OBI1: variants seen among roughly 807,000 people sequenced by gnomAD.
The protein encoded by OBI1 is ORC ubiquitin ligase 1.
Under a neutral mutation model 62.4 loss-of-function variants are expected in OBI1, and 59 were observed. The observed-to-expected ratio is 0.95, with a 90% CI of 0.77 to 1.17. The LOEUF (loss-of-function observed/expected upper bound fraction) is 1.17. Ranked by LOEUF, OBI1 falls within the 50% of genes most tolerant of loss-of-function variation. The pLI is 0.00. For synonymous variants in OBI1, 302 were observed against 292.8 expected, an observed-to-expected ratio of 1.03 and a Z score of -0.32; for missense variants, 875 against 830.9, an observed-to-expected ratio of 1.05 and a Z score of -0.65.
rs369495978 is a variant in OBI1 at position 78,616,019 on chromosome 13, T to C, written c.1742A>G (p.Asp581Gly). The change falls in exon 6 of 6, where the codon GAT becomes GGT. Residue 581 changes from aspartate (D) to glycine (G), a missense_variant. Physicochemically the swap from Asp to Gly is moderately conservative, Grantham distance 94. Transcript: ENST00000282003. ...SQGSEFLEEPDKLEEKTELNL... is the reference protein window; with the variant it reads ...SQGSEFLEEPGKLEEKTELNL... ...TAGCTCAGTTTTTTCTTCCAACTTA[T>C]CAGGTTCCTCAAGAAATTCACTGCC... The C allele has an allele frequency of 9.9e-6, 16 of 1,614,052 alleles. No individual in the cohort carries two copies. Among genetic ancestry groups the C allele is most frequent in the South Asian group, 2.2e-5 (2 of 91,084 alleles).
chr13:78,633,076 T>C (rs207474066), intron 5 of OBI1, among the ~76,000 whole-genome samples: 3 of 152,122 alleles, frequency 2.0e-5, no homozygotes, highest in Non-Finnish European at 4.4e-5. Context: ...TTTCAAGAAA[T>C]AAGAGCTACA....
At position 78,615,438 on chromosome 13, in the gene OBI1, G is replaced by A. The variant is rs1324643465; in HGVS notation, c.*142C>T. 1.7e-6 allele frequency: 1 copy of A among 594,700 alleles called. No homozygotes were observed. The highest frequency in any genetic ancestry group is 2.9e-6 in the Non-Finnish European group (1 of 343,596). 36.8% of individuals were successfully genotyped at this position (594,700 alleles called of 1,614,324 possible). A position where few individuals can be genotyped will look rare whatever the true frequency, so the allele number is the denominator to read the frequency against. ...TGAACAATAAGTATTCTGGGTACAG[G>A]TTAATCCACCATCCTGACTTGATAC... On this transcript the variant is annotated 3_prime_UTR_variant, in exon 6 of 6. Coordinates refer to ENST00000282003, the MANE Select transcript of OBI1 (RefSeq NM_024546.4).
chr13:78,619,951 T>G (rs978840525), intron 5 of OBI1, among the ~76,000 whole-genome samples: 1 of 152,196 alleles, frequency 6.6e-6, no homozygotes, highest in Non-Finnish European at 1.5e-5. Flanking sequence ...AAAGTAAACA[T>G]GTTTTGTTTA....
rs1379099330 is a variant in OBI1, at chr13:78,615,309, C to T, written c.*271G>A. 3.5e-6 allele frequency: 1 copy of T among 285,000 alleles called. No homozygotes were observed. The highest frequency in any genetic ancestry group is 6.5e-6 in the Non-Finnish European group (1 of 154,996). 17.7% of individuals were successfully genotyped at this position (285,000 alleles called of 1,614,324 possible). On this transcript the variant is annotated 3_prime_UTR_variant, in exon 6 of 6. Coordinates refer to ENST00000282003, the MANE Select transcript of OBI1 (RefSeq NM_024546.4). The stretch of plus-strand genomic sequence containing the variant: ...TAAAAAAACAAAACCAAAAACAAAA[C>T]CAACCAACCAACCAACCCCAAAACA...
At chr13:78,623,316 G>A (rs1280302043) in intron 5 of OBI1, among the ~76,000 whole-genome samples, 2 of 146,490 alleles carry the variant, frequency 1.4e-5, no homozygotes, top group Non-Finnish European at 3.0e-5. Context: ...GGAATTTACC[G>A]AAAGTAAGTG....
In OBI1 at chr13:78,616,654, C is replaced by T. The variant is rs1395767124; in HGVS notation, c.1107G>A (p.Gly369=). Residue 369 remains glycine (G), a synonymous_variant, in exon 6 of 6, where the codon GGG becomes GGA. Transcript: ENST00000282003. Reference sequence around the variant, plus strand: ...AGGGTACACAGTCACTTGGTTTATTCCCCCATTCTCTTTCCAAATAAGTAT... The same window carrying T: ...AGGGTACACAGTCACTTGGTTTATTTCCCCATTCTCTTTCCAAATAAGTAT... ...SMDTYLEREW[G]NKPSDCVPYK... is the part of the protein sequence containing the mutation. The T allele has an allele frequency of 9.9e-6, 16 of 1,613,908 alleles. No individual in the cohort carries two copies. The highest frequency in any genetic ancestry group is 4.0e-5 in the African/African-American group (3 of 74,900).
At chr13:78,624,169 A>G (rs945514286) in intron 5 of OBI1, among the ~76,000 whole-genome samples, 1 of 152,268 alleles carries the variant, frequency 6.6e-6, no homozygotes, top group African/African-American at 2.4e-5. Flanking sequence ...GTTATTTCTC[A>G]GGGTATAATT....
chr13:78,649,157 T>A (rs1876472329), intron 1 of OBI1, among the ~76,000 whole-genome samples: 1 of 152,126 alleles, frequency 6.6e-6, no homozygotes, highest in Admixed American at 6.5e-5. Context: ...AAGGCAGGTT[T>A]TGAGTCACTG....
At position 78,642,180 on chromosome 13, in the gene OBI1, T is replaced by G; in HGVS notation, c.242A>C (p.His81Pro). Residue 81 changes from histidine to proline, a missense_variant, in exon 3 of 6, where the codon CAT becomes CCT. By Grantham distance (77) the His-to-Pro change is moderately conservative (BLOSUM62 -2). Transcript: ENST00000282003. ...GTSESEPMLS[H>P]TVRKHLRKTR... Reference sequence around the variant, plus strand: ...TTTCCGAAGATGCTTCCTGACCGTATGGCTTAGCATAGGTTCACTTTCACT... The same window carrying G: ...TTTCCGAAGATGCTTCCTGACCGTAGGGCTTAGCATAGGTTCACTTTCACT... 1 of 1,610,706 alleles carries G rather than the reference T, an allele frequency of 6.2e-7. No homozygotes were observed. Among genetic ancestry groups the G allele is most frequent in the East Asian group, 2.2e-5 (1 of 44,782 alleles).
rs1333804933 is a variant in OBI1 at position 78,616,088 on chromosome 13, C to T, written c.1673G>A (p.Gly558Asp). The change falls in exon 6 of 6, where the codon GGT becomes GAT. Residue 558 changes from glycine (G) to aspartate (D), a missense_variant. Coordinates refer to ENST00000282003, the MANE Select transcript of OBI1 (RefSeq NM_024546.4). The part of the protein sequence containing the change: ...SDNSKSPCNN[G>D]FKSLDLDGLS... ...CCCATCCAAATCCAGTGACTTAAAA[C>T]CGTTATTACAAGGGCTCTTGCTGTT... 6.2e-7 allele frequency: 1 copy of T among 1,614,134 alleles called. No individual in the cohort carries two copies. The highest frequency in any genetic ancestry group is 8.5e-7 in the Non-Finnish European group (1 of 1,180,024).
At position 78,616,300 on chromosome 13, in the gene OBI1, C is replaced by T. The variant is rs375756464; in HGVS notation, c.1461G>A (p.Thr487=). The change falls in exon 6 of 6, where the codon ACG becomes ACA. Residue 487 remains threonine (T), a synonymous_variant. Transcript: ENST00000282003. ...NLDFESSEGN[T]IANSVGEISS... ...ATATTTCTCCAACAGAATTTGCTAT[C>T]GTGTTCCCCTCTGAACTTTCAAAAT... 5.6e-5 allele frequency: 91 copies of T among 1,614,074 alleles called. No individual in the cohort carries two copies. In the African/African-American group the frequency reaches 7.7e-4, roughly 14 times the overall value.
At chr13:78,645,598 A>C (rs1462693202) in intron 1 of OBI1, among the ~76,000 whole-genome samples, 1 of 152,232 alleles carries the variant, frequency 6.6e-6, no homozygotes, top group Non-Finnish European at 1.5e-5. Context: ...CCAAATACAC[A>C]AATCTTTGAC....
At chr13:78,620,101 C>A (rs912095075) in intron 5 of OBI1, among the ~76,000 whole-genome samples, 2 of 152,090 alleles carry the variant, frequency 1.3e-5, no homozygotes, top group Admixed American at 6.5e-5. Context: ...AGTAAGACTG[C>A]AAATAGATGA....
chr13:78,645,595 C>G (rs1186724693), intron 1 of OBI1, among the ~76,000 whole-genome samples: 1 of 152,198 alleles, frequency 6.6e-6, no homozygotes, highest in African/African-American at 2.4e-5. Flanking sequence ...ACACCAAATA[C>G]ACAAATCTTT....
intron 5 of OBI1, among the ~76,000 whole-genome samples, chr13:78,620,242 A>G (rs12431338): frequency 0.36 from 54,924 of 152,080 alleles, 10,245 homozygotes; most frequent in East Asian, 0.37. Context: ...CTTCCATAGA[A>G]GAAGGACATG....
chr13:78,621,592 A>C (rs2137430525), intron 5 of OBI1, among the ~76,000 whole-genome samples: 1 of 152,366 alleles, frequency 6.6e-6, no homozygotes, highest in South Asian at 2.1e-4. Context: ...ATAACATTGG[A>C]AGTGAAATTG....
intron 1 of OBI1, 62 bp downstream of exon 1, chr13:78,658,987 T>G: frequency 6.7e-7 from 1 of 1,486,828 alleles, no homozygotes; most frequent in Non-Finnish European, 9.3e-7. Context: ...GAGACGGCCC[T>G]CGGCCCCGGC....
Position 78,654,042 on chromosome 13 carries a change from A to C in OBI1, c.72+5007T>G, listed in dbSNP as rs114194816. On this transcript the variant is annotated intron_variant, in intron 1 of 5. Transcript: ENST00000282003. The stretch of plus-strand genomic sequence containing the variant: ...CTATAACTTAAGGAAAAAAAAAAAA[A>C]AAAAACCTGTGTGAAATAAGTCACT... 4.9e-3 allele frequency among the ~76,000 whole-genome samples: 735 copies of C among 150,614 alleles called. 10 individuals carry two copies. The highest frequency in any genetic ancestry group is 0.017 in the African/African-American group (702 of 40,590).
At chr13:78,637,251 C>T (rs772918987) in intron 4 of OBI1, among the ~76,000 whole-genome samples, 11 of 152,260 alleles carry the variant, frequency 7.2e-5, no homozygotes, top group Non-Finnish European at 1.2e-4. Context: ...TTACTCCACA[C>T]TTTAGTTTTT....
Sources: allele counts gnomAD v4.1 joint callset (sites outside exome capture counted in the v4.1 genomes callset), GRCh38; gene constraint gnomAD v4.1.1; transcripts MANE v1.5; gene names NCBI Gene and HGNC (gene_info 2026-07-23, HGNC 2026-07-21).